DDHD1: variants seen among roughly 807,000 people sequenced by gnomAD.
DDHD1 encodes DDHD domain containing 1.
A neutral mutation model predicts 96.4 loss-of-function variants in DDHD1; 49 were observed. The observed-to-expected ratio is 0.51, with a 90% CI of 0.40 to 0.64. DDHD1 has a LOEUF of 0.64. DDHD1 is among the 30% of genes least tolerant of loss of function. The pLI is 0.00. For synonymous variants in DDHD1, 442 were observed against 446.5 expected, an observed-to-expected ratio of 0.99 and a Z score of 0.13; for missense variants, 1,106 against 1,161.2, an observed-to-expected ratio of 0.95 and a Z score of 0.69.
At chr14:53,112,760 T>C (rs1180451486) in intron 1 of DDHD1, among the ~76,000 whole-genome samples, 1 of 152,146 alleles carries the variant, frequency 6.6e-6, no homozygotes, top group Admixed American at 6.5e-5. Flanking sequence ...CAGTATAATT[T>C]GTGGAGCCTA....
At chr14:53,119,193 C>T (rs1197495533) in intron 1 of DDHD1, among the ~76,000 whole-genome samples, 3 of 152,172 alleles carry the variant, frequency 2.0e-5, no homozygotes, top group Non-Finnish European at 4.4e-5. Context: ...TAACCAGTAC[C>T]AGCCACTGCA....
At chr14:53,071,349 C>CT (rs767536517) in intron 6 of DDHD1, among the ~76,000 whole-genome samples, 12 of 151,858 alleles carry the variant, frequency 7.9e-5, no homozygotes, top group Non-Finnish European at 1.6e-4. Context: ...AGTGTAAATG[C>CT]TTTTTTCAGA....
intron 6 of DDHD1, among the ~76,000 whole-genome samples, chr14:53,066,486 G>T (rs111697560): frequency 2.1e-3 from 320 of 152,188 alleles, no homozygotes; most frequent in African/African-American, 7.5e-3. Flanking sequence ...AGAAGAAGGG[G>T]GAAAAAGGCT....
chr14:53,072,400 C>T (rs575816248), intron 6 of DDHD1, among the ~76,000 whole-genome samples, 197 bp downstream of exon 6: 1 of 152,104 alleles, frequency 6.6e-6, no homozygotes, highest in South Asian at 2.1e-4. Flanking sequence ...AGTCCCCCAA[C>T]CTGAGACCAT....
At chr14:53,133,887 A>G in intron 1 of DDHD1, among the ~76,000 whole-genome samples, 1 of 152,174 alleles carries the variant, frequency 6.6e-6, no homozygotes, top group Non-Finnish European at 1.5e-5. Flanking sequence ...TCGATGGACC[A>G]GACCCTACTT....
chr14:53,070,206 G>T (rs1451908168), intron 6 of DDHD1, among the ~76,000 whole-genome samples: 2 of 152,068 alleles, frequency 1.3e-5, no homozygotes, highest in African/African-American at 4.8e-5. Context: ...TATATTCTGT[G>T]CTATAAAACT....
At chr14:53,059,523 G>A (rs1359471047) in intron 8 of DDHD1, among the ~76,000 whole-genome samples, 1 of 150,902 alleles carries the variant, frequency 6.6e-6, no homozygotes, top group Non-Finnish European at 1.5e-5. Context: ...GGGATTACAG[G>A]TGTGAGCCAC....
intron 10 of DDHD1, among the ~76,000 whole-genome samples, chr14:53,055,415 G>T (rs1184396235): frequency 6.6e-6 from 1 of 152,208 alleles, no homozygotes; most frequent in East Asian, 1.9e-4. Context: ...TGAGGGACTT[G>T]ATTCTCATAA....
chr14:53,142,834 C>T (rs1414271216), intron 1 of DDHD1, among the ~76,000 whole-genome samples: 2 of 152,206 alleles, frequency 1.3e-5, no homozygotes, highest in Non-Finnish European at 2.9e-5. Flanking sequence ...AGGCAGGCAA[C>T]AGTTACAGAG....
chr14:53,105,251 G>A (rs945224609), intron 1 of DDHD1, among the ~76,000 whole-genome samples: 2 of 151,868 alleles, frequency 1.3e-5, no homozygotes, highest in Non-Finnish European at 2.9e-5. Context: ...TAAAGATTGT[G>A]AACTATAAAT....
At chr14:53,110,273 C>G (rs945818805) in intron 1 of DDHD1, among the ~76,000 whole-genome samples, 1 of 152,208 alleles carries the variant, frequency 6.6e-6, no homozygotes, top group African/African-American at 2.4e-5. Context: ...AAGCCTCCTA[C>G]GTAAACTCAG....
At chr14:53,151,171 G>C (rs993580124) in intron 1 of DDHD1, among the ~76,000 whole-genome samples, 21 of 152,158 alleles carry the variant, frequency 1.4e-4, no homozygotes, top group Admixed American at 5.2e-4. Flanking sequence ...GGGCTCTGCC[G>C]ATGGTAAGGT....
intron 1 of DDHD1, among the ~76,000 whole-genome samples, chr14:53,115,162 G>A (rs998187616): frequency 1.3e-5 from 2 of 152,078 alleles, no homozygotes; most frequent in Admixed American, 6.5e-5. Context: ...AAGGCATGAA[G>A]AAAAGATTAG....
chr14:53,121,215 AT>A (rs1176616498), intron 1 of DDHD1, among the ~76,000 whole-genome samples: 1 of 152,254 alleles, frequency 6.6e-6, no homozygotes, highest in Non-Finnish European at 1.5e-5. Context: ...AGGAATGCAA[AT>A]CAAAACTACA....
At chr14:53,102,268 G>C (rs1489997909) in intron 2 of DDHD1, among the ~76,000 whole-genome samples, 1 of 151,998 alleles carries the variant, frequency 6.6e-6, no homozygotes, top group East Asian at 1.9e-4. Flanking sequence ...TAAGATCACA[G>C]ATATATAAAA....
At chr14:53,105,788 T>C (rs1008602566) in intron 1 of DDHD1, among the ~76,000 whole-genome samples, 3 of 152,242 alleles carry the variant, frequency 2.0e-5, no homozygotes, top group East Asian at 1.9e-4. Flanking sequence ...ACTAATATGA[T>C]TGACATATTT....
intron 8 of DDHD1, among the ~76,000 whole-genome samples, chr14:53,060,726 C>CCT (rs1883473548): frequency 6.6e-6 from 1 of 152,124 alleles, no homozygotes; most frequent in Admixed American, 6.6e-5. Flanking sequence ...AAGTTACAGC[C>CCT]CTCTATGCCT....
chr14:53,141,030 T>C (rs758705995), intron 1 of DDHD1, among the ~76,000 whole-genome samples: 1 of 152,230 alleles, frequency 6.6e-6, no homozygotes, highest in Non-Finnish European at 1.5e-5. Flanking sequence ...TAATCCTAAA[T>C]GTATACACAT....
At chr14:53,120,464 G>T (rs993078903) in intron 1 of DDHD1, among the ~76,000 whole-genome samples, 2 of 151,980 alleles carry the variant, frequency 1.3e-5, no homozygotes, top group African/African-American at 4.8e-5. Context: ...ATTTTATATG[G>T]AACCAAAAAA....
Sources: allele counts gnomAD v4.1 joint callset (sites outside exome capture counted in the v4.1 genomes callset), GRCh38; gene constraint gnomAD v4.1.1; transcripts MANE v1.5; gene names NCBI Gene and HGNC (gene_info 2026-07-23, HGNC 2026-07-21).